MCM7: variants seen among roughly 807,000 people sequenced by gnomAD.
MCM7 encodes the protein DNA replication licensing factor MCM7.
MCM7 carries 95 observed loss-of-function variants against 83.5 expected under a neutral mutation model. That is an observed-to-expected ratio of 1.14 (90% CI 0.96 to 1.35). The LOEUF (loss-of-function observed/expected upper bound fraction) is 1.35, where lower values mean the gene tolerates loss of function less well. MCM7 is among the 40% of genes most tolerant of loss of function. The pLI is 0.00. For missense variants in MCM7, 1,087 were observed against 957.4 expected, an observed-to-expected ratio of 1.14 and a Z score of -1.79; for synonymous variants, 461 against 352.7, an observed-to-expected ratio of 1.31 and a Z score of -3.44.
chr7:100,100,627 A>G (rs552510804), intron 1 of MCM7: 1 of 991,434 alleles, frequency 1.0e-6, no homozygotes, highest in Non-Finnish European at 1.2e-6. Context: ...CATCACACCC[A>G]GAGACACCGC....
chr7:100,095,332 A>G, intron 12 of MCM7, 55 bp downstream of exon 12: 4 of 1,499,272 alleles, frequency 2.7e-6, no homozygotes, highest in Non-Finnish European at 3.7e-6. Context: ...GCACTTTTTC[A>G]GGAGGCTCGC....
At chr7:100,100,836 G>A in intron 1 of MCM7, 1 of 1,005,564 alleles carries the variant, frequency 9.9e-7, no homozygotes. Context: ...ATCCCGGCGC[G>A]CAGCGGCCCC....
In MCM7 at chr7:100,100,041, C is replaced by T. The variant is rs1179482190; in HGVS notation, c.84G>A (p.Lys28=). 1.9e-6 allele frequency: 3 copies of T among 1,614,080 alleles called. No homozygotes were observed. The highest frequency in any genetic ancestry group is 2.5e-6 in the Non-Finnish European group (3 of 1,180,006). The change falls in exon 2 of 15, where the codon AAG becomes AAA. Residue 28 remains lysine (K), a synonymous_variant. Coordinates refer to ENST00000303887, the MANE Select transcript of MCM7 (RefSeq NM_005916.5). ...QEFYQDDELG[K]KQFKYGNQLV... ...ACTGGTTCCCATACTTGAACTGCTT[C>T]TTCCCGAGTTCATCATCCTGGTAGA... is the stretch of plus-strand genomic sequence containing the variant.
chr7:100,100,174 A>G, intron 1 of MCM7, 81 bp from the exon 2 acceptor site: 1 of 1,548,968 alleles, frequency 6.5e-7, no homozygotes. Flanking sequence ...AACACGACCT[A>G]TGAACTAATT....
chr7:100,100,328 G>A (rs7778182), intron 1 of MCM7: 2 of 1,213,008 alleles, frequency 1.6e-6, no homozygotes, highest in South Asian at 2.0e-5. Context: ...GGGGAATTCC[G>A]GTCCCTACTT....
intron 11 of MCM7, 96 bp from the exon 12 acceptor site, chr7:100,095,566 G>A (rs1795581860): frequency 7.5e-7 from 1 of 1,325,222 alleles, no homozygotes; most frequent in Admixed American, 2.2e-5. Flanking sequence ...CTTCCTCACA[G>A]TGTAGGAGGG....
chr7:100,101,112 G>T, intron 1 of MCM7, 152 bp downstream of exon 1: 1 of 928,748 alleles, frequency 1.1e-6, no homozygotes, highest in Non-Finnish European at 1.6e-6. Flanking sequence ...AGGCCCCGTG[G>T]GCCTTAGCCA....
chr7:100,096,794 T>A (rs979702592), intron 10 of MCM7, among the ~76,000 whole-genome samples: 3 of 150,368 alleles, frequency 2.0e-5, no homozygotes, highest in African/African-American at 7.4e-5. Flanking sequence ...AACAAAACAA[T>A]ACCCAAACAA....
chr7:100,096,788 AAAC>A (rs1795656757), intron 10 of MCM7, among the ~76,000 whole-genome samples: 1 of 151,870 alleles, frequency 6.6e-6, no homozygotes, highest in South Asian at 2.1e-4. Flanking sequence ...ACAAAAAACA[AAAC>A]AATACCCAAA....
chr7:100,097,563 T>A, intron 9 of MCM7, 51 bp downstream of exon 9: 1 of 1,611,446 alleles, frequency 6.2e-7, no homozygotes, highest in South Asian at 1.1e-5. Flanking sequence ...CATCCTTTTT[T>A]CCTCCTAAAT....
In MCM7 at chr7:100,101,325, C is replaced by G; in HGVS notation, c.-31G>C. ...CCGAGGGCCGTGCGGCCGCGCTTGG[C>G]GGGCTCAGAGGTCTTGCTCCTGGGG... On this transcript the variant is annotated 5_prime_UTR_variant, in exon 1 of 15. Transcript: ENST00000303887. The G allele has an allele frequency of 6.2e-7, 1 of 1,612,832 alleles. No homozygotes were observed. The highest frequency in any genetic ancestry group is 8.5e-7 in the Non-Finnish European group (1 of 1,179,838).
chr7:100,100,317 AG>A (rs1460733477), intron 1 of MCM7: 1 of 1,255,224 alleles, frequency 8.0e-7, no homozygotes. Context: ...ACATCTCCCC[AG>A]GGGAATTCCG....
In MCM7 at chr7:100,095,805, G is replaced by C. The variant is rs139765463; in HGVS notation, c.1564C>G (p.Gln522Glu). Residue 522 changes from glutamine to glutamate, a missense_variant, in exon 11 of 15, where the codon CAG (glutamine) becomes GAG (glutamate). Gln to Glu is a conservative substitution (Grantham distance 29). Coordinates refer to ENST00000303887, the MANE Select transcript of MCM7 (RefSeq NM_005916.5). ...LSRFDLLWLI[Q>E]DRPDRDNDLR... ...TCATTGTCTCGGTCGGGCCGGTCCT[G>C]AATCAGCCAGAGGAGGTCAAACCGG... is the stretch of plus-strand genomic sequence containing the variant. The C allele has an allele frequency of 4.9e-5, 78 of 1,599,668 alleles. No individual in the cohort carries two copies. The African/African-American group carries it at 7.9e-4, about 16-fold the overall frequency.
chr7:100,096,265 G>C (rs972022463), intron 10 of MCM7, 98 bp from the exon 11 acceptor site: 14 of 1,238,816 alleles, frequency 1.1e-5, no homozygotes, highest in Non-Finnish European at 1.5e-5. Flanking sequence ...CCTGCGCTGG[G>C]ATCATTCCAC....
In MCM7 at chr7:100,092,765, G is replaced by A; in HGVS notation, c.*167C>T. 1 of 702,114 alleles carries A rather than the reference G, an allele frequency of 1.4e-6. No homozygotes were observed. Among genetic ancestry groups the A allele is most frequent in the South Asian group, 1.9e-5 (1 of 53,178 alleles). The allele number at this position is 702,114 out of a possible 1,614,324, so 43.5% of individuals were successfully genotyped here. On this transcript the variant is annotated 3_prime_UTR_variant, in exon 15 of 15. Coordinates refer to ENST00000303887, the MANE Select transcript of MCM7 (RefSeq NM_005916.5). The stretch of plus-strand genomic sequence containing the variant: ...AAAACCCTGTTTTAATGGAAGTCAG[G>A]CCCAGGCTAGAAGATGACAATCTAC...
rs751461458 is a variant in MCM7, at chr7:100,101,335, G to T, written c.-41C>A. On this transcript the variant is annotated 5_prime_UTR_variant, in exon 1 of 15. Coordinates refer to ENST00000303887, the MANE Select transcript of MCM7 (RefSeq NM_005916.5). ...TGCGGCCGCGCTTGGCGGGCTCAGA[G>T]GTCTTGCTCCTGGGGAAGCTGAGAA... The T allele has an allele frequency of 6.8e-6, 11 of 1,612,314 alleles. No individual in the cohort carries two copies. The East Asian group carries it at 2.5e-4, about 36-fold the overall frequency.
intron 2 of MCM7, 62 bp from the exon 3 acceptor site, chr7:100,099,815 T>A (rs886693989): frequency 5.7e-6 from 9 of 1,591,626 alleles, no homozygotes; most frequent in Non-Finnish European, 6.9e-6. Flanking sequence ...CCAGTGTTCA[T>A]ATGTGAAAAT....
Position 100,099,049 on chromosome 7 carries a change from G to A in MCM7, c.556C>T (p.Gln186Ter). ...KMVVATYTCD[Q>*]CGAETYQPIQ... ...GGCTGGTAGGTCTCTGCCCCACACTGGTCACAAGTGTAAGTGGCCACCACC... is the reference window on the plus strand; with the variant it reads ...GGCTGGTAGGTCTCTGCCCCACACTAGTCACAAGTGTAAGTGGCCACCACC... The change falls in exon 5 of 15, where the codon CAG (glutamine) becomes TAG (stop). Residue 186 changes from glutamine to a stop codon, truncating the protein, a stop_gained. Transcript: ENST00000303887. LOFTEE classifies it high-confidence loss of function. 6.2e-7 allele frequency: 1 copy of A among 1,614,136 alleles called. No individual in the cohort carries two copies. Among genetic ancestry groups the A allele is most frequent in the Non-Finnish European group, 8.5e-7 (1 of 1,180,018 alleles).
At chr7:100,094,083 G>T (rs372672761) in intron 13 of MCM7, 90 bp downstream of exon 13, 19 of 1,509,382 alleles carry the variant, frequency 1.3e-5, no homozygotes, top group Middle Eastern at 1.7e-4. Flanking sequence ...GGGCTGGAGC[G>T]GGAGGTGGGG....
Sources: allele counts gnomAD v4.1 joint callset (sites outside exome capture counted in the v4.1 genomes callset), GRCh38; gene constraint gnomAD v4.1.1; transcripts MANE v1.5; gene names NCBI Gene and HGNC (gene_info 2026-07-23, HGNC 2026-07-21).